FILIP1L: variants seen among roughly 807,000 people sequenced by gnomAD.
The protein encoded by FILIP1L is filamin A interacting protein 1 like, also known as filamin A-interacting protein 1-like.
A neutral mutation model predicts 96.6 loss-of-function variants in FILIP1L; 55 were observed. The ratio of observed to expected loss-of-function variants is 0.57; its 90% CI spans 0.46 to 0.71. FILIP1L has a LOEUF of 0.71. Among genes scored for constraint, FILIP1L ranks in the 30% least tolerant of loss-of-function variants. FILIP1L has a pLI of 0.00. For missense variants in FILIP1L, 1,304 were observed against 1,321.2 expected (o/e 0.99, Z 0.20); for synonymous variants, 467 against 473.9 (o/e 0.99, Z 0.19).
chr3:99,842,009 A>T (rs1943154424), intron 5 of FILIP1L, among the ~76,000 whole-genome samples: 1 of 152,228 alleles, frequency 6.6e-6, no homozygotes, highest in African/African-American at 2.4e-5. Context: ...AGAAGTCATT[A>T]TATGAAAAAG....
intron 4 of FILIP1L, among the ~76,000 whole-genome samples, chr3:99,867,738 T>G (rs917110240): frequency 6.6e-6 from 1 of 152,156 alleles, no homozygotes; most frequent in African/African-American, 2.4e-5. Flanking sequence ...TCCTCCCTTC[T>G]TTCCTATATA....
chr3:99,967,549 G>A (rs1237123912), intron 1 of FILIP1L, among the ~76,000 whole-genome samples: 1 of 152,052 alleles, frequency 6.6e-6, no homozygotes, highest in Non-Finnish European at 1.5e-5. Flanking sequence ...GTGAATTGAG[G>A]AATATGGTGA....
intron 4 of FILIP1L, among the ~76,000 whole-genome samples, chr3:99,905,312 T>G (rs1207652960): frequency 6.6e-6 from 1 of 152,210 alleles, no homozygotes; most frequent in African/African-American, 2.4e-5. Flanking sequence ...TAGTCCCATG[T>G]GTGCACTTAC....
In FILIP1L at chr3:99,955,636, G is replaced by A. The variant is rs140003969; in HGVS notation, c.-10-24606C>T. 4.0e-3 allele frequency among the ~76,000 whole-genome samples: 606 copies of A among 152,244 alleles called. 4 individuals carry two copies. Among genetic ancestry groups the A allele is most frequent in the African/African-American group, 0.014 (562 of 41,546 alleles). On this transcript the variant is annotated intron_variant, in intron 1 of 5. Transcript: ENST00000477258. ...ATTAATCATATTTTCCTGGAGCTCC[G>A]TTAGTCTTGCCTATCAAACTCTTTG...
At chr3:100,005,904 C>CTCTTT (rs1440731761) in intron 1 of FILIP1L, among the ~76,000 whole-genome samples, 1 of 152,192 alleles carries the variant, frequency 6.6e-6, no homozygotes, top group African/African-American at 2.4e-5. Flanking sequence ...TACCCACCAT[C>CTCTTT]TCTTTGCCAC....
At position 100,037,962 on chromosome 3, in the gene FILIP1L, GGGA is replaced by G. The variant is rs1441722549; in HGVS notation, c.-11+76088_-11+76090del. 3.7e-4 allele frequency among the ~76,000 whole-genome samples: 49 copies of G among 131,990 alleles called. 1 individual carries two copies. Among genetic ancestry groups the G allele is most frequent in the African/African-American group, 1.3e-3 (46 of 34,310 alleles). 86.6% of individuals were successfully genotyped at this position (131,990 alleles called of 152,430 possible). A position where few individuals can be genotyped will look rare whatever the true frequency, so the allele number is the denominator to read the frequency against. ...TTCTTTTTTTTTTTTTTTTTGGGGG[GGGA>G]GGGAACAGAGTCTCAAATCTCGCTC... On this transcript the variant is annotated intron_variant, in intron 1 of 5. Coordinates refer to ENST00000477258, the MANE Select transcript of FILIP1L (RefSeq NM_001387850.1).
At chr3:100,009,516 C>T (rs546165120) in intron 1 of FILIP1L, among the ~76,000 whole-genome samples, 4 of 152,038 alleles carry the variant, frequency 2.6e-5, no homozygotes, top group Non-Finnish European at 5.9e-5. Context: ...GGGAAACTTT[C>T]GTCACCTCCA....
intron 1 of FILIP1L, among the ~76,000 whole-genome samples, chr3:100,011,261 G>A (rs1283423577): frequency 6.6e-6 from 1 of 152,022 alleles, no homozygotes; most frequent in Non-Finnish European, 1.5e-5. Context: ...TTTTCCTCAG[G>A]GAAATGTTTC....
At chr3:99,965,414 C>T (rs1708619772) in intron 1 of FILIP1L, among the ~76,000 whole-genome samples, 2 of 152,212 alleles carry the variant, frequency 1.3e-5, no homozygotes, top group Non-Finnish European at 2.9e-5. Flanking sequence ...GTAGTGTACT[C>T]TGTGGATGTA....
At chr3:100,096,040 A>G (rs1323168813) in intron 1 of FILIP1L, among the ~76,000 whole-genome samples, 1 of 152,220 alleles carries the variant, frequency 6.6e-6, no homozygotes, top group Non-Finnish European at 1.5e-5. Flanking sequence ...ATCATTGATC[A>G]TCAGAAAACT....
chr3:100,000,118 C>T (rs948862324), intron 1 of FILIP1L, among the ~76,000 whole-genome samples: 5 of 152,174 alleles, frequency 3.3e-5, no homozygotes, highest in African/African-American at 1.2e-4. Context: ...AAACACTGGC[C>T]TAGAGTCAAG....
intron 1 of FILIP1L, among the ~76,000 whole-genome samples, chr3:99,946,227 A>G (rs1201934211): frequency 6.6e-6 from 1 of 152,210 alleles, no homozygotes; most frequent in Admixed American, 6.5e-5. Context: ...ATAGCCCTGG[A>G]TACTATTGTG....
In FILIP1L at chr3:100,111,777, C is replaced by T. The variant is rs116971607; in HGVS notation, c.-11+2276G>A. Among the ~76,000 whole-genome samples the T allele has an allele frequency of 3.2e-3, 482 of 152,302 alleles. 12 individuals are homozygous for T. The East Asian group carries it at 0.062, about 19-fold the overall frequency. The stretch of plus-strand genomic sequence containing the variant: ...AGTATGTAAAGTTTTTGTCTAACAT[C>T]TATAGCTTGCACCAAAATGTCAACA... On this transcript the variant is annotated intron_variant, in intron 1 of 5. Coordinates refer to ENST00000477258, the MANE Select transcript of FILIP1L (RefSeq NM_001387850.1).
chr3:99,977,639 A>G (rs1289078843), intron 1 of FILIP1L, among the ~76,000 whole-genome samples: 1 of 152,234 alleles, frequency 6.6e-6, no homozygotes, highest in Non-Finnish European at 1.5e-5. Flanking sequence ...TACAGGCCCT[A>G]AAGTGTATAG....
In FILIP1L at chr3:99,910,596, T is replaced by C. The variant is rs1706757627; in HGVS notation, c.605+13634A>G. ...ATTTTTGTAGGTAACCTGGGGAGTATTATGTTTTAGCCCTTAGGCTGAAAA... is the reference window on the plus strand; with the variant it reads ...ATTTTTGTAGGTAACCTGGGGAGTACTATGTTTTAGCCCTTAGGCTGAAAA... On this transcript the variant is annotated intron_variant, in intron 4 of 5. Coordinates refer to ENST00000477258, the MANE Select transcript of FILIP1L (RefSeq NM_001387850.1). Among the ~76,000 whole-genome samples the C allele has an allele frequency of 2.2e-5, 3 of 136,586 alleles. 1 individual carries two copies. The highest frequency in any genetic ancestry group is 1.6e-4 in the Admixed American group (2 of 12,804). The allele number at this position is 136,586 out of a possible 152,430, so 89.6% of individuals were successfully genotyped here. A position where few individuals can be genotyped will look rare whatever the true frequency, so the allele number is the denominator to read the frequency against.
At chr3:100,050,369 A>T (rs1405617167) in intron 1 of FILIP1L, among the ~76,000 whole-genome samples, 1 of 152,170 alleles carries the variant, frequency 6.6e-6, no homozygotes, top group Non-Finnish European at 1.5e-5. Flanking sequence ...ATTTATGTGA[A>T]ATGCTCAGTA....
rs549293276 is a variant in FILIP1L, at chr3:99,881,145, A to T, written c.606-30075T>A. Among the ~76,000 whole-genome samples, 39 of 152,274 alleles carry T rather than the reference A, an allele frequency of 2.6e-4. 1 individual carries two copies. In the East Asian group the frequency reaches 6.6e-3, roughly 26 times the overall value. On this transcript the variant is annotated intron_variant, in intron 4 of 5. Coordinates refer to ENST00000477258, the MANE Select transcript of FILIP1L (RefSeq NM_001387850.1). ...ACTTCCTACCCTTGGTTTACAGGGGATGCCATAAGTTGGCTATGGACTCTA... is the reference window on the plus strand; with the variant it reads ...ACTTCCTACCCTTGGTTTACAGGGGTTGCCATAAGTTGGCTATGGACTCTA...
At chr3:100,103,067 G>A (rs893040714) in intron 1 of FILIP1L, among the ~76,000 whole-genome samples, 7 of 152,296 alleles carry the variant, frequency 4.6e-5, no homozygotes, top group Middle Eastern at 3.4e-3. Context: ...GAAGCAGACC[G>A]ACTGTGGGTA....
intron 1 of FILIP1L, among the ~76,000 whole-genome samples, chr3:100,110,982 A>G (rs2107476710): frequency 6.6e-6 from 1 of 152,314 alleles, no homozygotes; most frequent in Middle Eastern, 3.4e-3. Flanking sequence ...AAACAGTCAC[A>G]AACTTTTTAA....
Sources: gnomAD v4.1 joint callset for allele counts (sites outside exome capture counted in the v4.1 genomes callset) on GRCh38, gnomAD v4.1.1 for gene constraint, MANE v1.5 for transcripts, NCBI Gene and HGNC (gene_info 2026-07-23, HGNC 2026-07-21) for gene names.